Variants in PPIP5K1 observed in about 807,000 individuals in gnomAD.
PPIP5K1 encodes the protein inositol hexakisphosphate and diphosphoinositol-pentakisphosphate kinase 1.
A neutral mutation model predicts 27.7 loss-of-function variants in PPIP5K1; 6 were observed. That is an observed-to-expected ratio of 0.22 (90% CI 0.12 to 0.43). The LOEUF is 0.43. PPIP5K1 is among the 20% of genes least tolerant of loss of function. The pLI, the probability that PPIP5K1 is intolerant of heterozygous loss-of-function variation, is 1.00. For missense variants in PPIP5K1, 394 were observed against 635.4 expected, an observed-to-expected ratio of 0.62 and a Z score of 4.08; for synonymous variants, 145 against 242.6, an observed-to-expected ratio of 0.60 and a Z score of 3.74.
intron 30 of PPIP5K1, among the ~76,000 whole-genome samples, chr15:43,541,226 C>T (rs1019944894): frequency 4.6e-5 from 7 of 152,084 alleles, no homozygotes; most frequent in African/African-American, 1.7e-4. Flanking sequence ...GATCATCACA[C>T]CTCAGCACCT....
intron 29 of PPIP5K1, among the ~76,000 whole-genome samples, chr15:43,559,197 T>C (rs2083453568): frequency 1.3e-5 from 2 of 152,170 alleles, no homozygotes; most frequent in African/African-American, 4.8e-5. Context: ...GAGCTTGCAA[T>C]GTCTCATGGA....
At chr15:43,549,768 C>T (rs376208413) in intron 30 of PPIP5K1, among the ~76,000 whole-genome samples, 100 of 152,214 alleles carry the variant, frequency 6.6e-4, no homozygotes, top group African/African-American at 2.3e-3. Context: ...TCCAGGAATT[C>T]GAGACCAGCC....
At chr15:43,556,429 G>C (rs1363141871) in intron 30 of PPIP5K1, among the ~76,000 whole-genome samples, 7 of 151,788 alleles carry the variant, frequency 4.6e-5, no homozygotes, top group Non-Finnish European at 7.4e-5. Flanking sequence ...CCAAGGTCAG[G>C]AGTCCAAGAC....
intron 30 of PPIP5K1, among the ~76,000 whole-genome samples, chr15:43,555,769 C>A (rs918660218): frequency 1.3e-5 from 2 of 151,902 alleles, no homozygotes; most frequent in African/African-American, 4.8e-5. Flanking sequence ...CCATGCCCGG[C>A]TAATTTTTTG....
At chr15:43,558,060 T>C (rs944527190) in intron 30 of PPIP5K1, among the ~76,000 whole-genome samples, 2 of 137,148 alleles carry the variant, frequency 1.5e-5, no homozygotes, top group Non-Finnish European at 3.0e-5. Flanking sequence ...GCCTATGCAA[T>C]TATCCTTTTT....
intron 30 of PPIP5K1, among the ~76,000 whole-genome samples, chr15:43,555,059 A>G (rs944185343): frequency 4.0e-5 from 6 of 151,288 alleles, no homozygotes; most frequent in African/African-American, 1.5e-4. Flanking sequence ...CTGGTCTTGA[A>G]CTCCTGACCT....
chr15:43,560,070 G>A (rs959216638), intron 29 of PPIP5K1, among the ~76,000 whole-genome samples: 11 of 151,580 alleles, frequency 7.3e-5, no homozygotes, highest in East Asian at 3.9e-4. Flanking sequence ...TAGCTCCTCA[G>A]AGTGGCTAGA....
In PPIP5K1 at chr15:43,534,974, C is replaced by T. The variant is rs1370012047; in HGVS notation, c.4173G>A (p.Glu1391=). 6.2e-7 allele frequency: 1 copy of T among 1,613,690 alleles called. No individual in the cohort carries two copies. Among genetic ancestry groups the T allele is most frequent in the South Asian group, 1.1e-5 (1 of 91,044 alleles). Residue 1391 remains glutamate (E), a synonymous_variant, in exon 32 of 32, where the codon GAG becomes GAA. Transcript: ENST00000420765. The stretch of plus-strand genomic sequence containing the variant: ...AGACCCCCTGGCATGGCTGGCTGAC[C>T]TCCTCGGAGTTCTCCAGACATAGCT... The part of the protein sequence containing the change: ...VCQLCLENSE[E]VSQPCQGVSV...
chr15:43,579,526 T>C (rs2084731718), intron 10 of PPIP5K1, among the ~76,000 whole-genome samples: 2 of 94,570 alleles, frequency 2.1e-5, no homozygotes, highest in Admixed American at 2.0e-4. Flanking sequence ...CATATGTGTA[T>C]ATAGATGCAC....
At chr15:43,550,101 C>A (rs933286612) in intron 30 of PPIP5K1, among the ~76,000 whole-genome samples, 1 of 152,050 alleles carries the variant, frequency 6.6e-6, no homozygotes, top group Admixed American at 6.6e-5. Context: ...CCACTGAGCC[C>A]GGCCCACAAG....
chr15:43,535,078 A>G lies in PPIP5K1; in HGVS notation c.4069T>C (p.Cys1357Arg). 6.2e-7 allele frequency: 1 copy of G among 1,613,808 alleles called. No individual in the cohort carries two copies. The highest frequency in any genetic ancestry group is 1.7e-5 in the Admixed American group (1 of 59,984). The change falls in exon 32 of 32, where the codon TGC (cysteine) becomes CGC (arginine). Residue 1357 changes from cysteine to arginine, a missense_variant. Physicochemically the swap from Cys to Arg is radical, Grantham distance 180. This residue lies in a region of PPIP5K1 where 379 missense variants were observed against 423.9 expected (regional missense o/e 0.89). Transcript: ENST00000420765. ...TGGCTGATGTGAGGGACCTCCTGGC[A>G]TGTGTGGTTACCATTGTCATGGTTC... Reference protein sequence around the residue: ...QENHDNGNHTCQEVPHISQPC... With the variant: ...QENHDNGNHTRQEVPHISQPC...
intron 29 of PPIP5K1, among the ~76,000 whole-genome samples, chr15:43,559,961 T>G (rs546886810): frequency 3.2e-3 from 493 of 151,962 alleles, no homozygotes; most frequent in African/African-American, 0.011. Context: ...CCTGACCATC[T>G]TCGAAGCTCT....
At chr15:43,542,647 A>AGTGTGTGT (rs56361192) in intron 30 of PPIP5K1, among the ~76,000 whole-genome samples, 2,893 of 121,250 alleles carry the variant, frequency 0.024, 57 homozygotes, top group Non-Finnish European at 0.035. Flanking sequence ...ATATATATTC[A>AGTGTGTGT]GTGTGTGTGT....
intron 10 of PPIP5K1, among the ~76,000 whole-genome samples, chr15:43,579,415 C>CACACACGTATGTGTACAT (rs2084682746): frequency 1.7e-5 from 2 of 117,300 alleles, no homozygotes; most frequent in African/African-American, 1.2e-4. Context: ...CACACACACA[C>CACACACGTATGTGTACAT]ACACACACGT....
At chr15:43,542,006 G>C (rs1029036902) in intron 30 of PPIP5K1, among the ~76,000 whole-genome samples, 2 of 152,148 alleles carry the variant, frequency 1.3e-5, no homozygotes, top group African/African-American at 4.8e-5. Flanking sequence ...GTAAGGCTAA[G>C]TTTACTAACT....
Position 43,535,097 on chromosome 15 carries a change from A to C in PPIP5K1, c.4050T>G (p.His1350Gln), listed in dbSNP as rs1420392741. 3 of 1,613,352 alleles carry C rather than the reference A, an allele frequency of 1.9e-6. No homozygotes were observed. In the African/African-American group the frequency reaches 4.0e-5, roughly 22 times the overall value. ...PDISQQCQEN[H>Q]DNGNHTCQEV... Reference sequence around the variant, plus strand: ...CCTGGCATGTGTGGTTACCATTGTCATGGTTCTCCTGGCATTGCTGGCTGA... The same window carrying C: ...CCTGGCATGTGTGGTTACCATTGTCCTGGTTCTCCTGGCATTGCTGGCTGA... Residue 1350 changes from histidine to glutamine, a missense_variant, in exon 32 of 32, where the codon CAT becomes CAG. His to Gln is a conservative substitution (Grantham distance 24). Transcript: ENST00000420765.
At chr15:43,579,653 ATTTTTTT>A (rs1179725070) in intron 10 of PPIP5K1, among the ~76,000 whole-genome samples, 4 of 28,794 alleles carry the variant, frequency 1.4e-4, no homozygotes, top group African/African-American at 3.8e-4. Context: ...ATATATATAT[ATTTTTTT>A]TTTTTTTTTT....
intron 30 of PPIP5K1, among the ~76,000 whole-genome samples, chr15:43,549,003 G>A (rs1484330250): frequency 7.7e-6 from 1 of 129,146 alleles, no homozygotes; most frequent in African/African-American, 3.0e-5. Flanking sequence ...ACCCAAGCCT[G>A]GGTGACAGAG....
In PPIP5K1 at chr15:43,539,326, A is replaced by C. The variant is rs2080354599; in HGVS notation, c.3670+144T>G. On this transcript the variant is annotated intron_variant, in intron 31 of 31. Transcript: ENST00000420765. ...AACAGATTCTCCTTTCATCTTAGAA[A>C]TGGCAGATGAGACTGCTTCCCAGAA... is the stretch of plus-strand genomic sequence containing the variant. The C allele has an allele frequency of 2.6e-5, 17 of 660,038 alleles. No homozygotes were observed. In the South Asian group the frequency reaches 2.9e-4, roughly 11 times the overall value. 40.9% of individuals were successfully genotyped at this position (660,038 alleles called of 1,614,324 possible).
Sources: allele counts gnomAD v4.1 joint callset (sites outside exome capture counted in the v4.1 genomes callset), GRCh38; gene constraint gnomAD v4.1.1; regional missense constraint gnomAD v4.1.1; transcripts MANE v1.5; gene names NCBI Gene and HGNC (gene_info 2026-07-23, HGNC 2026-07-21).